The following RGS9 variants were observed in gnomAD, a reference collection of about 807,000 sequenced individuals.
The protein encoded by RGS9 is regulator of G protein signaling 9, also known as regulator of G-protein signalling 9.
In RGS9, 78 loss-of-function variants were observed where a neutral mutation model predicts 102.0. The ratio of observed to expected loss-of-function variants is 0.76; its 90% confidence interval spans 0.64 to 0.92. The LOEUF (loss-of-function observed/expected upper bound fraction) is 0.92, where lower values mean the gene tolerates loss of function less well. Among genes scored for constraint, RGS9 ranks in the 40% least tolerant of loss-of-function variants. RGS9 has a pLI of 0.00. For synonymous variants in RGS9, 353 were observed against 318.6 expected (o/e 1.11, Z -1.15); for missense variants, 833 against 866.1 (o/e 0.96, Z 0.48).
At position 65,137,600 on chromosome 17, in the gene RGS9, A is replaced by G; in HGVS notation, c.57+3A>G. ...CGAGGATGGCATTTCTCCAAAAGGTAACCCTGGCCCCTCACCTGGACCCTG... is the reference window on the plus strand; with the variant it reads ...CGAGGATGGCATTTCTCCAAAAGGTGACCCTGGCCCCTCACCTGGACCCTG... On this transcript the variant is annotated splice_donor_region_variant and intron_variant, in intron 1 of 18. Transcript: ENST00000262406. 1 of 1,613,648 alleles carries G rather than the reference A, an allele frequency of 6.2e-7. No individual in the cohort carries two copies. The highest frequency in any genetic ancestry group is 8.5e-7 in the Non-Finnish European group (1 of 1,179,952).
chr17:65,179,168 G>A (rs1911756914), intron 9 of RGS9, among the ~76,000 whole-genome samples: 1 of 152,154 alleles, frequency 6.6e-6, no homozygotes, highest in Non-Finnish European at 1.5e-5. Context: ...GTAGGGGTGT[G>A]CAGGGGAAGG....
chr17:65,208,845 AAAC>A (rs938024090), intron 16 of RGS9, among the ~76,000 whole-genome samples: 2 of 152,050 alleles, frequency 1.3e-5, no homozygotes, highest in Non-Finnish European at 2.9e-5. Context: ...AAAGGAGAAA[AAAC>A]AACAACAACA....
chr17:65,158,521 G>C, intron 3 of RGS9, 176 bp downstream of exon 3: 1 of 706,182 alleles, frequency 1.4e-6, no homozygotes, highest in Non-Finnish European at 2.6e-6. Context: ...ATTTGGGGAC[G>C]AAAGAGTTAT....
intron 2 of RGS9, among the ~76,000 whole-genome samples, chr17:65,154,990 C>G (rs979528610): frequency 6.6e-6 from 1 of 152,214 alleles, no homozygotes; most frequent in Non-Finnish European, 1.5e-5. Context: ...AGGATGCCCC[C>G]ACCAGCAATG....
intron 14 of RGS9, among the ~76,000 whole-genome samples, chr17:65,203,021 C>A (rs934118436): frequency 3.3e-5 from 5 of 152,252 alleles, no homozygotes; most frequent in African/African-American, 7.2e-5. Context: ...TTTGCAGTCA[C>A]CAGACTGTGG....
chr17:65,160,944 T>G lies in RGS9; in HGVS notation c.423+35T>G, dbSNP rs192769050. ...TGCTTTTAAGTAGAGGTTGTTATAA[T>G]TGAGTGGAAGATAGTTTTGAGCTGT... On this transcript the variant is annotated intron_variant, in intron 6 of 18. Transcript: ENST00000262406. The G allele has an allele frequency of 5.8e-6, 9 of 1,543,760 alleles. No homozygotes were observed. The Admixed American group carries it at 1.5e-4, about 26-fold the overall frequency.
At chr17:65,200,786 G>C (rs1296245369) in intron 13 of RGS9, among the ~76,000 whole-genome samples, 1 of 152,016 alleles carries the variant, frequency 6.6e-6, no homozygotes, top group Non-Finnish European at 1.5e-5. Context: ...TTAAAAACTT[G>C]GGGGGATTTG....
chr17:65,224,894 G>T (rs762732074), intron 17 of RGS9, 108 bp from the exon 18 acceptor site: 13 of 1,464,652 alleles, frequency 8.9e-6, no homozygotes, highest in African/African-American at 2.8e-5. Context: ...TATCAGGCCC[G>T]CACTCTTGTC....
chr17:65,191,841 C>T (rs977755739), intron 11 of RGS9, among the ~76,000 whole-genome samples: 5 of 152,134 alleles, frequency 3.3e-5, no homozygotes, highest in Non-Finnish European at 5.9e-5. Flanking sequence ...AATTGCAAAC[C>T]CAGTGCTTGT....
intron 7 of RGS9, among the ~76,000 whole-genome samples, chr17:65,165,684 C>T (rs946495746): frequency 6.6e-5 from 10 of 152,170 alleles, no homozygotes; most frequent in Admixed American, 4.6e-4. Context: ...CTCACCGTCA[C>T]CTGAACCATG....
intron 5 of RGS9, 108 bp downstream of exon 5, chr17:65,160,695 A>G (rs1272455529): frequency 3.5e-6 from 5 of 1,427,294 alleles, no homozygotes; most frequent in Middle Eastern, 1.7e-4. Flanking sequence ...CCTTTCTGTC[A>G]GTCCACATCT....
At chr17:65,170,716 G>A (rs563928409) in intron 8 of RGS9, among the ~76,000 whole-genome samples, 3 of 152,308 alleles carry the variant, frequency 2.0e-5, no homozygotes, top group Middle Eastern at 3.4e-3. Flanking sequence ...CCCAAGTTCA[G>A]CATGAGGCTT....
intron 8 of RGS9, among the ~76,000 whole-genome samples, chr17:65,175,083 A>ATGTGTG (rs113500448): frequency 1.3e-5 from 2 of 149,018 alleles, no homozygotes; most frequent in African/African-American, 4.9e-5. Context: ...AACCATATTA[A>ATGTGTG]TGTGTGTGTG....
In RGS9 at chr17:65,225,405, C is replaced by T; in HGVS notation, c.1811C>T (p.Pro604Leu). 6.2e-7 allele frequency: 1 copy of T among 1,611,392 alleles called. No homozygotes were observed. Among genetic ancestry groups the T allele is most frequent in the Admixed American group, 1.7e-5 (1 of 60,036 alleles). ...TTTGCCAGGCTCTCACCCAAGTGCC[C>T]TGCTGTGTCCCACGGGAGGGTGCAG... ...PVFARLSPKC[P>L]AVSHGRVQPL... is the part of the protein sequence containing the mutation. The change falls in exon 18 of 19, where the codon CCT becomes CTT. Residue 604 changes from proline (P) to leucine (L), a missense_variant. Physicochemically the swap from Pro to Leu is moderately conservative, Grantham distance 98 (BLOSUM62 -3). This residue lies in a region of RGS9 where 320 missense variants were observed against 276.8 expected (regional missense o/e 1.16). Transcript: ENST00000262406.
intron 1 of RGS9, among the ~76,000 whole-genome samples, chr17:65,142,771 C>T (rs1373439269): frequency 6.6e-6 from 1 of 151,806 alleles, no homozygotes; most frequent in African/African-American, 2.4e-5. Context: ...TTAGTAGAGA[C>T]GGGGTTTCAC....
intron 8 of RGS9, among the ~76,000 whole-genome samples, chr17:65,168,996 A>T (rs1176540252): frequency 1.3e-5 from 2 of 152,092 alleles, no homozygotes; most frequent in African/African-American, 4.8e-5. Context: ...TGTGCTGCCT[A>T]TGGGTCATGG....
At chr17:65,209,923 T>C (rs1190446326) in intron 16 of RGS9, among the ~76,000 whole-genome samples, 1 of 151,962 alleles carries the variant, frequency 6.6e-6, no homozygotes, top group Non-Finnish European at 1.5e-5. Context: ...ACTAAAAATA[T>C]AAAAATTAGC....
chr17:65,184,068 A>G (rs1294276012), intron 9 of RGS9, among the ~76,000 whole-genome samples: 1 of 152,098 alleles, frequency 6.6e-6, no homozygotes, highest in Non-Finnish European at 1.5e-5. Flanking sequence ...AAGTGGCTTC[A>G]CTCCAGGAGG....
intron 4 of RGS9, 59 bp downstream of exon 4, chr17:65,160,398 G>A (rs1910935365): frequency 1.3e-6 from 2 of 1,561,626 alleles, no homozygotes; most frequent in South Asian, 2.2e-5. Context: ...TGAAAAGGTG[G>A]GGTTCATAGT....
Sources: gnomAD v4.1 joint callset for allele counts (sites outside exome capture counted in the v4.1 genomes callset) on GRCh38, gnomAD v4.1.1 for gene constraint, gnomAD v4.1.1 regional missense constraint, MANE v1.5 for transcripts, NCBI Gene and HGNC (gene_info 2026-07-23, HGNC 2026-07-21) for gene names.